The following ACER1 variants were observed in gnomAD, a reference collection of about 807,000 sequenced individuals.
ACER1 encodes CTB-180A7.3.
Under a neutral mutation model 24.9 loss-of-function variants are expected in ACER1, and 28 were observed. The ratio of observed to expected loss-of-function variants is 1.13; its 90% CI spans 0.83 to 1.54. The LOEUF (loss-of-function observed/expected upper bound fraction) is 1.54, where lower values mean the gene tolerates loss of function less well. ACER1 is among the 40% of genes most tolerant of loss of function. The pLI is 0.00. For missense variants in ACER1, 352 were observed against 349.3 expected (o/e 1.01, Z -0.06); for synonymous variants, 132 against 131.4 (o/e 1.00, Z -0.03).
chr19:6,356,944 AAGATGAAAATTAAACAAGGCAAATGTTCT>A, the ACER1 span, among the ~76,000 whole-genome samples: 2 of 151,380 alleles, frequency 1.3e-5, no homozygotes, highest in Non-Finnish European at 2.9e-5. Context: ...AAGTCACACC[AAGATGAAAATTAAACAAGGCAAATGTTCT>A]AGAGTGCCTG....
At chr19:6,345,815 T>A in the ACER1 span, among the ~76,000 whole-genome samples, 1 of 151,926 alleles carries the variant, frequency 6.6e-6, no homozygotes, top group Non-Finnish European at 1.5e-5. Context: ...TCCACCTGCC[T>A]TGGCCTCCCA....
chr19:6,336,272 A>C (rs11878531), upstream of ACER1, among the ~76,000 whole-genome samples: 50,832 of 151,928 alleles, frequency 0.33, 14,297 homozygotes, highest in African/African-American at 0.77. Flanking sequence ...TCATAGTTCA[A>C]TGCAGCCTTG....
At chr19:6,339,867 G>T in the ACER1 span, among the ~76,000 whole-genome samples, 35 of 151,800 alleles carry the variant, frequency 2.3e-4, no homozygotes, top group African/African-American at 8.2e-4. Context: ...GGGTTTCACC[G>T]TGTTAGCCAG....
At chr19:6,345,497 T>C in the ACER1 span, among the ~76,000 whole-genome samples, 1 of 152,104 alleles carries the variant, frequency 6.6e-6, no homozygotes, top group Non-Finnish European at 1.5e-5. Flanking sequence ...CTCCCCTTGT[T>C]TTCCTGAAAC....
chr19:6,323,088 G>A (rs1474816790), intron 1 of ACER1, among the ~76,000 whole-genome samples: 1 of 151,910 alleles, frequency 6.6e-6, no homozygotes, highest in East Asian at 1.9e-4. Context: ...CTCCAGCCTG[G>A]GCAACAAGAG....
chr19:6,334,951 A>T (rs1018548381), upstream of ACER1, among the ~76,000 whole-genome samples: 26 of 148,916 alleles, frequency 1.7e-4, no homozygotes, highest in Non-Finnish European at 2.2e-4. Context: ...GAATAATAAT[A>T]ATTATTATTA....
At chr19:6,353,622 T>C in the ACER1 span, among the ~76,000 whole-genome samples, 1 of 151,784 alleles carries the variant, frequency 6.6e-6, no homozygotes, top group Admixed American at 6.6e-5. Flanking sequence ...GGTCAGGAGT[T>C]CAAGACCAGC....
intron 1 of ACER1, among the ~76,000 whole-genome samples, chr19:6,320,512 T>C (rs2091625087): frequency 6.6e-6 from 1 of 151,942 alleles, no homozygotes; most frequent in South Asian, 2.1e-4. Context: ...GGGGTTTCGC[T>C]ATATTGGCCA....
chr19:6,312,340 C>T, intron 2 of ACER1, 45 bp downstream of exon 2: 4 of 1,613,884 alleles, frequency 2.5e-6, no homozygotes, highest in Non-Finnish European at 3.4e-6. Context: ...CTCCTAAACC[C>T]CCACTGCCTC....
Position 6,333,563 on chromosome 19 carries a change from G to T in ACER1, c.-12C>A. 1 of 1,569,410 alleles carries T rather than the reference G, an allele frequency of 6.4e-7. No homozygotes were observed. Among genetic ancestry groups the T allele is most frequent in the East Asian group, 2.3e-5 (1 of 42,796 alleles). ...AAGATGCTAGGCATCTTGTCTCAGT[G>T]GCCACCACCAGCCGGCTGCGCCCGG... On this transcript the variant is annotated 5_prime_UTR_variant, in exon 1 of 6. Coordinates refer to ENST00000301452, the MANE Select transcript of ACER1 (RefSeq NM_133492.3).
chr19:6,351,575 AAAAAAG>A, the ACER1 span, among the ~76,000 whole-genome samples: 1 of 150,934 alleles, frequency 6.6e-6, no homozygotes, highest in Admixed American at 6.6e-5. Context: ...TACCAAAAAA[AAAAAAG>A]AAATTAGCCA....
chr19:6,345,649 C>T, the ACER1 span, among the ~76,000 whole-genome samples: 21 of 150,912 alleles, frequency 1.4e-4, no homozygotes, highest in East Asian at 3.9e-3. Context: ...ACTGAAATCT[C>T]GGCCTCCTGG....
intron 4 of ACER1, among the ~76,000 whole-genome samples, chr19:6,308,749 T>TA (rs1010975547): frequency 4.6e-5 from 7 of 151,654 alleles, no homozygotes; most frequent in Admixed American, 1.3e-4. Flanking sequence ...AGTTAAATTA[T>TA]AAAAAAAAAT....
At chr19:6,338,195 T>C (rs2091722437), upstream of ACER1, among the ~76,000 whole-genome samples, 1 of 152,216 alleles carries the variant, frequency 6.6e-6, no homozygotes, top group Admixed American at 6.6e-5. Flanking sequence ...GGTAAAATCC[T>C]AGCTCACAGC....
upstream of ACER1, among the ~76,000 whole-genome samples, chr19:6,336,819 C>CAAAAAA (rs57500077): frequency 1.5e-5 from 1 of 67,758 alleles, no homozygotes; most frequent in Non-Finnish European, 3.2e-5. Flanking sequence ...GACCCCGACT[C>CAAAAAA]AAAAAAAAAA....
At chr19:6,339,707 G>C in the ACER1 span, among the ~76,000 whole-genome samples, 1 of 151,940 alleles carries the variant, frequency 6.6e-6, no homozygotes. Flanking sequence ...TCTCTCTGTT[G>C]CCCAGGCTGG....
chr19:6,325,191 C>T (rs2091655062), intron 1 of ACER1, among the ~76,000 whole-genome samples: 1 of 152,194 alleles, frequency 6.6e-6, no homozygotes, highest in Non-Finnish European at 1.5e-5. Flanking sequence ...CTCCCCAGGG[C>T]TCTCAGGACA....
At chr19:6,334,555 C>T (rs2091705312), upstream of ACER1, among the ~76,000 whole-genome samples, 1 of 152,076 alleles carries the variant, frequency 6.6e-6, no homozygotes, top group Admixed American at 6.6e-5. Context: ...CCATGTTGGT[C>T]AAGCTGGTCT....
chr19:6,324,264 G>A (rs1052526036), intron 1 of ACER1, among the ~76,000 whole-genome samples: 31 of 151,710 alleles, frequency 2.0e-4, no homozygotes, highest in Middle Eastern at 3.4e-3. Flanking sequence ...GGCTGGTCTG[G>A]AACTGCTGAC....
Sources: gnomAD v4.1 joint callset for allele counts (sites outside exome capture counted in the v4.1 genomes callset) on GRCh38, gnomAD v4.1.1 for gene constraint, MANE v1.5 for transcripts, NCBI Gene and HGNC (gene_info 2026-07-23, HGNC 2026-07-21) for gene names.